EXOC3: variants seen among roughly 807,000 people sequenced by gnomAD.
The protein encoded by EXOC3 is SEC6-like 1.
A neutral mutation model predicts 73.7 loss-of-function variants in EXOC3; 21 were observed. That is an observed-to-expected ratio of 0.29 (90% CI 0.20 to 0.41). EXOC3 has a LOEUF of 0.41. Among genes scored for constraint, EXOC3 ranks in the 10% least tolerant of loss-of-function variants. The probability of loss-of-function intolerance (pLI) is 1.00; values close to 1 mark genes in which losing one functional copy is unlikely to be tolerated. For missense variants in EXOC3, 842 were observed against 985.1 expected (o/e 0.85, Z 1.95); for synonymous variants, 410 against 389.1 (o/e 1.05, Z -0.63).
chr5:449,962 A>G (rs775366459), intron 3 of EXOC3, among the ~76,000 whole-genome samples: 9 of 152,192 alleles, frequency 5.9e-5, no homozygotes, highest in Admixed American at 2.0e-4. Context: ...AATATCCCTT[A>G]TGGCTGGGTG....
At chr5:460,076 C>T (rs948680503) in intron 7 of EXOC3, among the ~76,000 whole-genome samples, 3 of 152,194 alleles carry the variant, frequency 2.0e-5, no homozygotes, top group Admixed American at 6.5e-5. Flanking sequence ...ATGGTATTTG[C>T]GACCCTCTCT....
chr5:447,962 C>T (rs1268506917), intron 3 of EXOC3, among the ~76,000 whole-genome samples: 1 of 152,246 alleles, frequency 6.6e-6, no homozygotes, highest in Admixed American at 6.5e-5. Flanking sequence ...AGTTCAGTGT[C>T]AGGACAGAGG....
At chr5:443,969 G>C (rs776137710) in intron 1 of EXOC3, among the ~76,000 whole-genome samples, 13 of 150,902 alleles carry the variant, frequency 8.6e-5, no homozygotes, top group Non-Finnish European at 1.8e-4. Flanking sequence ...CTCCAGCGGA[G>C]TGTCCCCTCC....
chr5:446,407 A>G, intron 2 of EXOC3, 58 bp downstream of exon 2: 4 of 1,471,158 alleles, frequency 2.7e-6, no homozygotes, highest in Non-Finnish European at 3.6e-6. Flanking sequence ...CTTGCTTGAC[A>G]TCACCATGAT....
At chr5:448,433 T>G (rs1340957649) in intron 3 of EXOC3, among the ~76,000 whole-genome samples, 1 of 152,114 alleles carries the variant, frequency 6.6e-6, no homozygotes, top group Non-Finnish European at 1.5e-5. Flanking sequence ...TGGTCCCCGC[T>G]CTGTGTCAAG....
Position 465,212 on chromosome 5 carries a change from T to G in EXOC3, c.1878T>G (p.Gly626=). 6.3e-7 allele frequency: 1 copy of G among 1,593,310 alleles called. No homozygotes were observed. Among genetic ancestry groups the G allele is most frequent in the Non-Finnish European group, 8.5e-7 (1 of 1,170,364 alleles). Residue 626 remains glycine, a synonymous_variant, in exon 11 of 13, where the codon GGT becomes GGG. Transcript: ENST00000512944. Reference sequence around the variant, plus strand: ...GGAGCCCGGAGGAGCGCAAGGAGGGTGCCGAGAAGATGGTTAGGGAGGCAG... The same window carrying G: ...GGAGCCCGGAGGAGCGCAAGGAGGGGGCCGAGAAGATGGTTAGGGAGGCAG... ...SFRSPEERKE[G]AEKMVREAEQ...
At position 446,168 on chromosome 5, in the gene EXOC3, A is replaced by C; in HGVS notation, c.-38A>C. 1 of 1,613,428 alleles carries C rather than the reference A, an allele frequency of 6.2e-7. No individual in the cohort carries two copies. The highest frequency in any genetic ancestry group is 1.7e-4 in the Middle Eastern group (1 of 6,060). ...CCTGCAGTGCACAGAGAACACCCCT[A>C]GCATGAACAGTGTGAGGATTCCACC... On this transcript the variant is annotated 5_prime_UTR_variant, in exon 2 of 13. Coordinates refer to ENST00000512944, the MANE Select transcript of EXOC3 (RefSeq NM_007277.5).
Position 466,862 on chromosome 5 carries a change from G to A in EXOC3, c.2202G>A (p.Val734=). 1.2e-6 allele frequency: 2 copies of A among 1,611,968 alleles called. No homozygotes were observed. The highest frequency in any genetic ancestry group is 2.2e-5 in the South Asian group (2 of 90,746). The change falls in exon 13 of 13, where the codon GTG becomes GTA. Residue 734 remains valine, a synonymous_variant. Coordinates refer to ENST00000512944, the MANE Select transcript of EXOC3 (RefSeq NM_007277.5). ...PSYVPLFKDI[V]VPSLNVAKLL... is the part of the protein sequence containing the mutation. ...ACGTGCCCCTCTTCAAGGACATTGT[G>A]GTGCCCAGCCTGAACGTGGCCAAGC...
chr5:464,768 C>T (rs1738089246), intron 10 of EXOC3: 2 of 425,338 alleles, frequency 4.7e-6, no homozygotes, highest in Non-Finnish European at 8.6e-6. Context: ...CTCCAAAGTG[C>T]CTGCCGCGTT....
Position 447,719 on chromosome 5 carries a change from G to A in EXOC3, c.331G>A (p.Ala111Thr), listed in dbSNP as rs1411292668. The change falls in exon 3 of 13, where the codon GCA becomes ACA. Residue 111 changes from alanine to threonine, a missense_variant. By Grantham distance (58) the Ala-to-Thr change is moderately conservative (BLOSUM62 0). Transcript: ENST00000512944. ...DAVVQHSQLAAAVENLKNIFS... is the reference protein window; with the variant it reads ...DAVVQHSQLATAVENLKNIFS... ...CGTGGTGCAGCACAGCCAGCTCGCCGCAGCCGTGGAGAACCTCAAGAACAT... is the reference window on the plus strand; with the variant it reads ...CGTGGTGCAGCACAGCCAGCTCGCCACAGCCGTGGAGAACCTCAAGAACAT... 8.9e-6 allele frequency: 14 copies of A among 1,580,226 alleles called. No homozygotes were observed. Among genetic ancestry groups the A allele is most frequent in the Admixed American group, 1.8e-5 (1 of 55,662 alleles).
At chr5:462,530 G>A (rs964783573) in intron 9 of EXOC3, 8 of 559,872 alleles carry the variant, frequency 1.4e-5, no homozygotes, top group African/African-American at 5.6e-5. Context: ...GATTCACCCT[G>A]TAAGTATTAA....
rs190649468 is a variant in EXOC3, at chr5:450,225, G to A, written c.364+2473G>A. On this transcript the variant is annotated intron_variant, in intron 3 of 12. Transcript: ENST00000512944. ...CGCACCACTGCACTCCAGCCAGGGG[G>A]ACAAGAGCGAGACTTCATCTGAAAA... Among the ~76,000 whole-genome samples the A allele has an allele frequency of 4.6e-5, 7 of 152,228 alleles. 1 individual carries two copies. In the South Asian group the frequency reaches 6.2e-4, roughly 14 times the overall value.
chr5:454,427 CG>C (rs1737745759), intron 4 of EXOC3, among the ~76,000 whole-genome samples: 1 of 152,226 alleles, frequency 6.6e-6, no homozygotes, highest in Admixed American at 6.5e-5. Context: ...TGGTCCCAGG[CG>C]GGGCTGGGAC....
In EXOC3 at chr5:447,538, C is replaced by T. The variant is rs760392124; in HGVS notation, c.150C>T (p.Ala50=). Residue 50 remains alanine, a synonymous_variant, in exon 3 of 13, where the codon GCC becomes GCT. Transcript: ENST00000512944. The part of the protein sequence containing the change: ...KASVEARLKA[A]IQSQLDGVRT... ...CGTGTGGCGTCTCTCTTTAGGCCGC[C>T]ATCCAGTCACAGTTGGACGGGGTGC... The T allele has an allele frequency of 1.3e-6, 2 of 1,561,620 alleles. No individual in the cohort carries two copies. The highest frequency in any genetic ancestry group is 2.7e-5 in the African/African-American group (2 of 73,516).
In EXOC3 at chr5:464,231, C is replaced by T. The variant is rs78363604; in HGVS notation, c.1654-59C>T. The T allele has an allele frequency of 3.9e-3, 6,069 of 1,566,168 alleles. 181 individuals are homozygous for T. In the African/African-American group the frequency reaches 0.069, roughly 18 times the overall value. The stretch of plus-strand genomic sequence containing the variant: ...TGAGGAAGTGCCTCCCTCCCACATG[C>T]ACTCGGCTCTCGTGGGACGTTGAGG... On this transcript the variant is annotated intron_variant, in intron 9 of 12. Coordinates refer to ENST00000512944, the MANE Select transcript of EXOC3 (RefSeq NM_007277.5).
chr5:465,225 G>A lies in EXOC3; in HGVS notation c.1891G>A (p.Val631Ile), dbSNP rs772819593. 6.3e-7 allele frequency: 1 copy of A among 1,593,524 alleles called. No homozygotes were observed. Among genetic ancestry groups the A allele is most frequent in the Non-Finnish European group, 8.5e-7 (1 of 1,170,386 alleles). The stretch of plus-strand genomic sequence containing the variant: ...GCGCAAGGAGGGTGCCGAGAAGATG[G>A]TTAGGGAGGCAGAGCAGCTGCGCTT... Reference protein sequence around the residue: ...EERKEGAEKMVREAEQLRFLF... With the variant: ...EERKEGAEKMIREAEQLRFLF... The change falls in exon 11 of 13, where the codon GTT becomes ATT. Residue 631 changes from valine to isoleucine, a missense_variant. By Grantham distance (29) the Val-to-Ile change is conservative. Coordinates refer to ENST00000512944, the MANE Select transcript of EXOC3 (RefSeq NM_007277.5).
chr5:464,316 G>A lies in EXOC3; in HGVS notation c.1680G>A (p.Lys560=), dbSNP rs1738072845. 1 of 1,613,610 alleles carries A rather than the reference G, an allele frequency of 6.2e-7. No individual in the cohort carries two copies. Among genetic ancestry groups the A allele is most frequent in the Admixed American group, 1.7e-5 (1 of 60,024 alleles). Residue 560 remains lysine (K), a synonymous_variant, in exon 10 of 13, where the codon AAG becomes AAA. Coordinates refer to ENST00000512944, the MANE Select transcript of EXOC3 (RefSeq NM_007277.5). The part of the protein sequence containing the change: ...LEQHLNELMT[K]KWLLGSNAVD... Reference sequence around the variant, plus strand: ...AACATCTGAATGAATTGATGACGAAGAAGTGGCTATTAGGGTCAAACGCTG... The same window carrying A: ...AACATCTGAATGAATTGATGACGAAAAAGTGGCTATTAGGGTCAAACGCTG...
chr5:457,638 C>A (rs1206343859), intron 5 of EXOC3: 2 of 364,412 alleles, frequency 5.5e-6, no homozygotes, highest in Non-Finnish European at 1.0e-5. Flanking sequence ...GCATGAGGTG[C>A]AGCCAAAAGG....
rs768139117 is a variant in EXOC3, at chr5:457,025, C to T, written c.1164+19C>T. 2.0e-5 allele frequency: 32 copies of T among 1,561,826 alleles called. No individual in the cohort carries two copies. Among genetic ancestry groups the T allele is most frequent in the African/African-American group, 1.6e-4 (12 of 73,928 alleles). ...GCTCACTGTGAGTAGGGCTGGCCTG[C>T]GTGCCACAGACCACCGTGCTGGTTA... On this transcript the variant is annotated intron_variant, in intron 5 of 12. Coordinates refer to ENST00000512944, the MANE Select transcript of EXOC3 (RefSeq NM_007277.5).
Sources: allele counts gnomAD v4.1 joint callset (sites outside exome capture counted in the v4.1 genomes callset), GRCh38; gene constraint gnomAD v4.1.1; transcripts MANE v1.5; gene names NCBI Gene and HGNC (gene_info 2026-07-23, HGNC 2026-07-21).